ATP8B4: variants seen among roughly 807,000 people sequenced by gnomAD.
The protein encoded by ATP8B4 is probable phospholipid-transporting ATPase IM.
ATP8B4 carries 133 observed loss-of-function variants against 145.6 expected under a neutral mutation model. That is an observed-to-expected ratio of 0.91 (90% CI 0.79 to 1.05). The LOEUF (loss-of-function observed/expected upper bound fraction) is 1.05. Among genes scored for constraint, ATP8B4 ranks in the 50% least tolerant of loss-of-function variants. The pLI is 0.00. For synonymous variants in ATP8B4, 507 were observed against 492.9 expected, an observed-to-expected ratio of 1.03 and a Z score of -0.38; for missense variants, 1,458 against 1,425.2, an observed-to-expected ratio of 1.02 and a Z score of -0.37.
At chr15:50,116,173 T>C (rs1349109799) in intron 1 of ATP8B4, among the ~76,000 whole-genome samples, 1 of 152,136 alleles carries the variant, frequency 6.6e-6, no homozygotes, top group Admixed American at 6.5e-5. Context: ...ATTCCAGCAC[T>C]TTGGAAGGCC....
chr15:50,043,450 T>C (rs2051461932), intron 5 of ATP8B4, among the ~76,000 whole-genome samples: 1 of 152,164 alleles, frequency 6.6e-6, no homozygotes, highest in Non-Finnish European at 1.5e-5. Context: ...GTGCTTGCTC[T>C]CCTGCTTCCC....
chr15:50,094,774 T>C (rs1373537957), intron 2 of ATP8B4, among the ~76,000 whole-genome samples: 2 of 150,382 alleles, frequency 1.3e-5, no homozygotes, highest in Non-Finnish European at 3.0e-5. Context: ...CCTGACTAAT[T>C]CAATGACTCT....
At chr15:50,129,847 C>T (rs1227726121) in intron 1 of ATP8B4, among the ~76,000 whole-genome samples, 1 of 149,810 alleles carries the variant, frequency 6.7e-6, no homozygotes, top group East Asian at 2.0e-4. Flanking sequence ...ACTTGGGAAG[C>T]TGAGGCAGGA....
Position 49,987,372 on chromosome 15 carries a change from C to T in ATP8B4, c.748+19G>A, listed in dbSNP as rs1285068944. ...CAGGAAAGGTTCCCACAGAGCTGGC[C>T]TTGGGTCACATGCTGTACCTGCAAA... On this transcript the variant is annotated intron_variant, in intron 10 of 27. Coordinates refer to ENST00000284509, the MANE Select transcript of ATP8B4 (RefSeq NM_024837.4). 1.9e-6 allele frequency: 3 copies of T among 1,611,386 alleles called. No homozygotes were observed. In the South Asian group the frequency reaches 3.3e-5, roughly 18 times the overall value.
At chr15:50,011,025 C>T in intron 6 of ATP8B4, 108 bp from the exon 7 acceptor site, 2 of 675,614 alleles carry the variant, frequency 3.0e-6, no homozygotes, top group Non-Finnish European at 4.6e-6. Context: ...GCAGGCAAGA[C>T]TTTCCTAGTA....
intron 26 of ATP8B4, among the ~76,000 whole-genome samples, chr15:49,863,221 C>T (rs1406943386): frequency 1.3e-5 from 2 of 152,144 alleles, no homozygotes; most frequent in South Asian, 2.1e-4. Context: ...TTATGAAGTC[C>T]TCAAAGTTCC....
At chr15:49,862,210 C>T in intron 27 of ATP8B4, 35 bp downstream of exon 27, 1 of 1,593,188 alleles carries the variant, frequency 6.3e-7, no homozygotes, top group South Asian at 1.1e-5. Context: ...GAGCCAAAAA[C>T]CAGCCTTCAA....
chr15:50,046,408 A>T (rs186729589), intron 4 of ATP8B4, among the ~76,000 whole-genome samples: 58 of 152,318 alleles, frequency 3.8e-4, no homozygotes, highest in African/African-American at 1.3e-3. Flanking sequence ...CAAAAACAAA[A>T]ACAAAACAAA....
chr15:50,149,392 G>A (rs980083150), intron 1 of ATP8B4, among the ~76,000 whole-genome samples: 16 of 152,144 alleles, frequency 1.1e-4, no homozygotes, highest in Admixed American at 8.5e-4. Context: ...AAATCAGTCA[G>A]ACCTGTTTTC....
At position 49,907,418 on chromosome 15, in the gene ATP8B4, A is replaced by G. The variant is rs2038739334; in HGVS notation, c.2142-6179T>C. ...AGACCTATTCATTCTACCTCCAAAAAGCTGTCTATTTTATTCTACCCTTTC... is the reference window on the plus strand; with the variant it reads ...AGACCTATTCATTCTACCTCCAAAAGGCTGTCTATTTTATTCTACCCTTTC... On this transcript the variant is annotated intron_variant, in intron 20 of 27. Coordinates refer to ENST00000284509, the MANE Select transcript of ATP8B4 (RefSeq NM_024837.4). 2.6e-5 allele frequency among the ~76,000 whole-genome samples: 4 copies of G among 152,200 alleles called. No individual in the cohort carries two copies. In the South Asian group the frequency reaches 8.3e-4, roughly 32 times the overall value.
At chr15:50,087,483 G>T (rs993575431) in intron 2 of ATP8B4, among the ~76,000 whole-genome samples, 4 of 148,878 alleles carry the variant, frequency 2.7e-5, no homozygotes, top group African/African-American at 9.8e-5. Context: ...GATAAATTCT[G>T]TTTTGACTAG....
chr15:50,013,915 G>T (rs1459230764), intron 6 of ATP8B4, among the ~76,000 whole-genome samples: 3 of 152,154 alleles, frequency 2.0e-5, no homozygotes, highest in African/African-American at 7.2e-5. Flanking sequence ...TTGAGAAAAT[G>T]CAAGTCTGAG....
chr15:50,147,440 A>T lies in ATP8B4; in HGVS notation c.-43+34821T>A, dbSNP rs941629307. On this transcript the variant is annotated intron_variant, in intron 1 of 3. Transcript: ENST00000558829. The stretch of plus-strand genomic sequence containing the variant: ...GTCTCCAAAAAAAAAAAAAAAAAAA[A>T]AGTATATACTTCCTATTTTGTCCAT... 2.3e-3 allele frequency among the ~76,000 whole-genome samples: 285 copies of T among 124,488 alleles called. 1 individual carries two copies. Among genetic ancestry groups the T allele is most frequent in the Non-Finnish European group, 3.7e-3 (207 of 55,858 alleles). 81.7% of individuals were successfully genotyped at this position (124,488 alleles called of 152,430 possible).
intron 3 of ATP8B4, among the ~76,000 whole-genome samples, chr15:50,072,077 A>G (rs949300765): frequency 2.6e-4 from 40 of 151,878 alleles, no homozygotes; most frequent in African/African-American, 9.6e-4. Flanking sequence ...ATAATTAATC[A>G]AGCTATAATA....
At chr15:49,991,924 G>C (rs1432641160) in intron 9 of ATP8B4, among the ~76,000 whole-genome samples, 2 of 152,056 alleles carry the variant, frequency 1.3e-5, no homozygotes, top group Non-Finnish European at 2.9e-5. Flanking sequence ...CCCTAATCAA[G>C]AGCTAAGCTC....
chr15:49,899,577 C>T (rs2037795641), intron 21 of ATP8B4, among the ~76,000 whole-genome samples: 1 of 152,048 alleles, frequency 6.6e-6, no homozygotes, highest in Non-Finnish European at 1.5e-5. Context: ...TCAAATATTA[C>T]CACTCTTTCT....
At chr15:50,057,836 G>T (rs1210967188) in intron 3 of ATP8B4, among the ~76,000 whole-genome samples, 3 of 152,142 alleles carry the variant, frequency 2.0e-5, no homozygotes, top group Non-Finnish European at 4.4e-5. Context: ...ACTAATTTTG[G>T]ATAATTATCA....
chr15:49,939,149 T>A (rs923912624), intron 14 of ATP8B4, among the ~76,000 whole-genome samples: 1 of 151,848 alleles, frequency 6.6e-6, no homozygotes, highest in African/African-American at 2.4e-5. Context: ...CTTAAAAAGT[T>A]AGAAAGATCT....
intron 1 of ATP8B4, among the ~76,000 whole-genome samples, chr15:50,138,137 C>A (rs1056958813): frequency 1.3e-5 from 2 of 152,110 alleles, no homozygotes. Context: ...TTGGTGCAAT[C>A]TTTCCAGAAG....
Sources: gnomAD v4.1 joint callset for allele counts (sites outside exome capture counted in the v4.1 genomes callset) on GRCh38, gnomAD v4.1.1 for gene constraint, MANE v1.5 for transcripts, NCBI Gene and HGNC (gene_info 2026-07-23, HGNC 2026-07-21) for gene names.